The following ZFP30 variants were observed in gnomAD, a reference collection of about 807,000 sequenced individuals.
ZFP30 encodes zinc finger protein 30 homolog.
In ZFP30, 16 loss-of-function variants were observed where a neutral mutation model predicts 12.3. That is an observed-to-expected ratio of 1.30 (90% confidence interval 0.88 to 1.98). The LOEUF (loss-of-function observed/expected upper bound fraction) is 1.98. Ranked by LOEUF, ZFP30 falls within the 30% of genes most tolerant of loss-of-function variation. The pLI, the probability that ZFP30 is intolerant of heterozygous loss-of-function variation, is 0.00. For missense variants in ZFP30, 560 were observed against 611.2 expected, an observed-to-expected ratio of 0.92 and a Z score of 0.88; for synonymous variants, 172 against 201.0, an observed-to-expected ratio of 0.86 and a Z score of 1.22.
At chr19:37,637,467 G>C (rs944885442) in intron 5 of ZFP30, among the ~76,000 whole-genome samples, 1 of 151,662 alleles carries the variant, frequency 6.6e-6, no homozygotes, top group African/African-American at 2.4e-5. Context: ...AGAATTACAG[G>C]CGTCAGCCAC....
intron 5 of ZFP30, among the ~76,000 whole-genome samples, chr19:37,636,900 A>G (rs2044339439): frequency 6.6e-6 from 1 of 152,010 alleles, no homozygotes; most frequent in South Asian, 2.1e-4. Context: ...TAGTAGAGAC[A>G]GGGTTTCACC....
rs1225571422 is a variant in ZFP30, at chr19:37,643,341, T to G, written c.159A>C (p.Pro53=). The G allele has an allele frequency of 6.3e-7, 1 of 1,596,868 alleles. No individual in the cohort carries two copies. Among genetic ancestry groups the G allele is most frequent in the Non-Finnish European group, 8.5e-7 (1 of 1,172,176 alleles). ...VSLAGCSISK[P]DVITLLEQGK... Reference sequence around the variant, plus strand: ...CTTGTTCCAATAGGGTGATCACATCTGGCTTAGAAATAGAACATCCTGCTT... The same window carrying G: ...CTTGTTCCAATAGGGTGATCACATCGGGCTTAGAAATAGAACATCCTGCTT... The change falls in exon 5 of 6, where the codon CCA becomes CCC. Residue 53 remains proline, a synonymous_variant. Transcript: ENST00000684514.
chr19:37,634,940 T>C lies in ZFP30; in HGVS notation c.*41A>G, dbSNP rs1340511781. 6.7e-7 allele frequency: 1 copy of C among 1,500,748 alleles called. No individual in the cohort carries two copies. Among genetic ancestry groups the C allele is most frequent in the Non-Finnish European group, 8.9e-7 (1 of 1,129,130 alleles). The allele number at this position is 1,500,748 out of a possible 1,614,324, so 93.0% of individuals were successfully genotyped here. A position where few individuals can be genotyped will look rare whatever the true frequency, so the allele number is the denominator to read the frequency against. On this transcript the variant is annotated 3_prime_UTR_variant, in exon 6 of 6. Coordinates refer to ENST00000684514, the MANE Select transcript of ZFP30 (RefSeq NM_001320669.3). ...CCTTTCCTCTAGAATGTACTTCCTA[T>C]GCTCAACATAAAATTCGCAAAGGAA...
rs762056079 is a variant in ZFP30 at position 37,635,213 on chromosome 19, C to T, written c.1328G>A (p.Cys443Tyr). ...TGAAAGCAGTCTAAAAGTCTTCTCA[C>T]ATTCCTTACACTTAAAGGGTTTCTC... is the stretch of plus-strand genomic sequence containing the variant. ...FGEKPFKCKE[C>Y]EKTFRLLSQL... The change falls in exon 6 of 6, where the codon TGT becomes TAT. Residue 443 changes from cysteine to tyrosine, a missense_variant. Physicochemically the swap from Cys to Tyr is radical, Grantham distance 194 (BLOSUM62 -2). Coordinates refer to ENST00000684514, the MANE Select transcript of ZFP30 (RefSeq NM_001320669.3). 2.5e-6 allele frequency: 4 copies of T among 1,613,744 alleles called. No individual in the cohort carries two copies. The South Asian group carries it at 4.4e-5, about 18-fold the overall frequency.
In ZFP30 at chr19:37,635,724, T is replaced by C. The variant is rs2044310394; in HGVS notation, c.817A>G (p.Lys273Glu). 1 of 1,614,166 alleles carries C rather than the reference T, an allele frequency of 6.2e-7. No individual in the cohort carries two copies. Among genetic ancestry groups the C allele is most frequent in the African/African-American group, 1.3e-5 (1 of 75,032 alleles). The change falls in exon 6 of 6, where the codon AAA becomes GAA. Residue 273 changes from lysine (K) to glutamate (E), a missense_variant. By Grantham distance (56) the Lys-to-Glu change is moderately conservative. Transcript: ENST00000684514. ...TGCCTAAAGGCCTTCCCACATTCTT[T>C]ACATTCATAGGGTTTCTCACCCGTG... ...IHTGEKPYEC[K>E]ECGKAFRQYA...
chr19:37,655,788 A>AGCCCC (rs1360975205), upstream of ZFP30: 5 of 152,192 alleles, frequency 3.3e-5, no homozygotes, highest in East Asian at 1.9e-4. Flanking sequence ...GGAGGCTGCG[A>AGCCCC]GCCCCGCCCC....
At chr19:37,644,811 T>G in intron 3 of ZFP30, 75 bp from the exon 4 acceptor site, 382 of 1,460,438 alleles carry the variant, frequency 2.6e-4, no homozygotes, top group Middle Eastern at 9.1e-4. Context: ...TGGCTGGGTG[T>G]AGTGGCTCAA....
chr19:37,635,931 G>T lies in ZFP30; in HGVS notation c.610C>A (p.His204Asn), dbSNP rs981149489. Reference protein sequence around the residue: ...AFRQCAHLSRHQRIHTSDKLY... With the variant: ...AFRQCAHLSRNQRIHTSDKLY... ...TTGTCAGAAGTATGAATTCTCTGATGTCGACTGAGGTGGGCACACTGTCTA... is the reference window on the plus strand; with the variant it reads ...TTGTCAGAAGTATGAATTCTCTGATTTCGACTGAGGTGGGCACACTGTCTA... Residue 204 changes from histidine to asparagine, a missense_variant, in exon 6 of 6, where the codon CAT (histidine) becomes AAT (asparagine). Physicochemically the swap from His to Asn is moderately conservative, Grantham distance 68. Transcript: ENST00000684514. 14 of 1,613,988 alleles carry T rather than the reference G, an allele frequency of 8.7e-6. No individual in the cohort carries two copies. In the Admixed American group the frequency reaches 2.3e-4, roughly 27 times the overall value.
At position 37,635,086 on chromosome 19, in the gene ZFP30, C is replaced by T; in HGVS notation, c.1455G>A (p.Gln485=). The stretch of plus-strand genomic sequence containing the variant: ...ATGGTTTCTCACCAGAATGAATTCT[C>T]TGATGTTGAATCAGTGATGAATGAA... ...FRLHSSLIQH[Q]RIHSGEKPYK... is the part of the protein sequence containing the mutation. The change falls in exon 6 of 6, where the codon CAG becomes CAA. Residue 485 remains glutamine (Q), a synonymous_variant. Coordinates refer to ENST00000684514, the MANE Select transcript of ZFP30 (RefSeq NM_001320669.3). 6.2e-7 allele frequency: 1 copy of T among 1,613,464 alleles called. No homozygotes were observed. Among genetic ancestry groups the T allele is most frequent in the Non-Finnish European group, 8.5e-7 (1 of 1,179,724 alleles).
intron 2 of ZFP30, among the ~76,000 whole-genome samples, chr19:37,649,682 G>A (rs1001349231): frequency 6.6e-6 from 1 of 151,916 alleles, no homozygotes; most frequent in East Asian, 1.9e-4. Context: ...AAATTAACGG[G>A]GCATGGTGGT....
chr19:37,635,586 G>A lies in ZFP30; in HGVS notation c.955C>T (p.Leu319Phe). Residue 319 changes from leucine to phenylalanine, a missense_variant, in exon 6 of 6, where the codon CTT (leucine) becomes TTT (phenylalanine). Transcript: ENST00000684514. ...TCATAGGGTTTTTCTCCAGTATGAA[G>A]TTTGTGATGTAGTCGAAGGCCTGTA... The part of the protein sequence containing the change: ...CSTGLRLHHK[L>F]HTGEKPYECK... The A allele has an allele frequency of 1.2e-6, 2 of 1,613,846 alleles. No homozygotes were observed. The highest frequency in any genetic ancestry group is 1.7e-6 in the Non-Finnish European group (2 of 1,179,974).
Position 37,635,882 on chromosome 19 carries a change from C to T in ZFP30, c.659G>A (p.Gly220Glu), listed in dbSNP as rs2044314494. Residue 220 changes from glycine (G) to glutamate (E), a missense_variant, in exon 6 of 6, where the codon GGA (glycine) becomes GAA (glutamate). Gly to Glu is a moderately conservative substitution (Grantham distance 98). Coordinates refer to ENST00000684514, the MANE Select transcript of ZFP30 (RefSeq NM_001320669.3). ...GTCTGAGCCACATGTGAAGATCTTT[C>T]CACATTTTTTACATTCATAGAGTTT... Reference protein sequence around the residue: ...SDKLYECKKCGKIFTCGSDLR... With the variant: ...SDKLYECKKCEKIFTCGSDLR... 6.2e-7 allele frequency: 1 copy of T among 1,614,114 alleles called. No homozygotes were observed. The highest frequency in any genetic ancestry group is 2.2e-5 in the East Asian group (1 of 44,882).
chr19:37,644,570 T>C (rs538374886), intron 4 of ZFP30, 40 bp downstream of exon 4: 2 of 1,515,700 alleles, frequency 1.3e-6, no homozygotes, highest in South Asian at 2.6e-5. Context: ...TTCAGTCCTG[T>C]GAATGTCTAA....
intron 2 of ZFP30, among the ~76,000 whole-genome samples, chr19:37,649,140 G>A (rs913468678): frequency 2.0e-5 from 3 of 151,922 alleles, no homozygotes; most frequent in Admixed American, 2.0e-4. Flanking sequence ...AGTTACTTGG[G>A]AGGCTGAGGC....
chr19:37,645,544 TTA>T (rs1269665740), intron 3 of ZFP30, among the ~76,000 whole-genome samples: 3 of 150,016 alleles, frequency 2.0e-5, no homozygotes, highest in African/African-American at 7.4e-5. Flanking sequence ...TGGGCCAGAT[TTA>T]TAGTGTATCT....
chr19:37,635,291 T>TTG lies in ZFP30; in HGVS notation c.1249_1250insCA (p.Lys417ThrfsTer66). 6.2e-7 allele frequency: 1 copy of TTG among 1,614,076 alleles called. No homozygotes were observed. The highest frequency in any genetic ancestry group is 8.5e-7 in the Non-Finnish European group (1 of 1,179,956). ...AAGCTGTGAGAACAGCCTAAATGCC[T>TTG]TCCCACATTCCTTACATTCATAAGG... is the stretch of plus-strand genomic sequence containing the variant. On this transcript the variant is annotated frameshift_variant, in exon 6 of 6. Transcript: ENST00000684514. LOFTEE classifies it high-confidence loss of function.
intron 2 of ZFP30, among the ~76,000 whole-genome samples, chr19:37,649,155 G>T (rs780374879): frequency 4.6e-5 from 7 of 151,034 alleles, no homozygotes; most frequent in Non-Finnish European, 1.0e-4. Flanking sequence ...TGAGGCAGGA[G>T]AATTGCTTGA....
chr19:37,642,065 C>T (rs985898110), intron 5 of ZFP30, among the ~76,000 whole-genome samples: 1 of 152,136 alleles, frequency 6.6e-6, no homozygotes, highest in South Asian at 2.1e-4. Context: ...AAACAACACC[C>T]GATTGCCTCT....
At chr19:37,654,203 C>T (rs906046152) in intron 2 of ZFP30, among the ~76,000 whole-genome samples, 7 of 152,160 alleles carry the variant, frequency 4.6e-5, no homozygotes, top group African/African-American at 1.7e-4. Flanking sequence ...TTCAATTCCA[C>T]TTAATCTAGG....
Sources: gnomAD v4.1 joint callset for allele counts (sites outside exome capture counted in the v4.1 genomes callset) on GRCh38, gnomAD v4.1.1 for gene constraint, MANE v1.5 for transcripts, NCBI Gene and HGNC (gene_info 2026-07-23, HGNC 2026-07-21) for gene names.